Variants in PARM1 observed in about 807,000 individuals in gnomAD.
PARM1 encodes WSC4, cell wall integrity and stress response component 4 homolog.
Under a neutral mutation model 24.6 loss-of-function variants are expected in PARM1, and 14 were observed. That is an observed-to-expected ratio of 0.57 (90% CI 0.38 to 0.89). PARM1 has a LOEUF of 0.89. PARM1 is among the 40% of genes least tolerant of loss of function. PARM1 has a pLI of 0.00. For missense variants in PARM1, 362 were observed against 380.4 expected (o/e 0.95, Z 0.40); for synonymous variants, 179 against 156.6 (o/e 1.14, Z -1.07).
At chr4:75,026,836 AT>A (rs986796001) in intron 2 of PARM1, among the ~76,000 whole-genome samples, 5 of 152,190 alleles carry the variant, frequency 3.3e-5, no homozygotes, top group Non-Finnish European at 7.3e-5. Flanking sequence ...GTTCATGCTA[AT>A]TTACAAAGCA....
chr4:74,935,758 A>C (rs1721169531), intron 1 of PARM1, among the ~76,000 whole-genome samples: 1 of 152,234 alleles, frequency 6.6e-6, no homozygotes, highest in Non-Finnish European at 1.5e-5. Context: ...CAGCACATAC[A>C]ATGGACACTT....
intron 2 of PARM1, among the ~76,000 whole-genome samples, chr4:75,022,521 G>A (rs189915272): frequency 6.6e-6 from 1 of 152,226 alleles, no homozygotes; most frequent in East Asian, 1.9e-4. Context: ...TCTATCACAT[G>A]TTTTAATTGT....
intron 2 of PARM1, among the ~76,000 whole-genome samples, chr4:75,032,912 T>G (rs1723299468): frequency 6.6e-6 from 1 of 152,182 alleles, no homozygotes; most frequent in African/African-American, 2.4e-5. Context: ...GAAAACTCAC[T>G]TTAAGTATTA....
chr4:74,987,480 CCTATT>C (rs1471864813), intron 1 of PARM1, among the ~76,000 whole-genome samples: 1 of 152,054 alleles, frequency 6.6e-6, no homozygotes, highest in Non-Finnish European at 1.5e-5. Flanking sequence ...TAAATCAAAA[CCTATT>C]CTAAATGGTA....
At chr4:75,034,042 T>TA in intron 3 of PARM1, 81 bp downstream of exon 3, 1 of 1,117,580 alleles carries the variant, frequency 8.9e-7, no homozygotes, top group Non-Finnish European at 1.3e-6. Flanking sequence ...TGGATACTTG[T>TA]TCCTTAATAG....
At position 74,944,444 on chromosome 4, in the gene PARM1, G is replaced by A. The variant is rs369164482; in HGVS notation, c.43+11074G>A. Among the ~76,000 whole-genome samples, 61 of 152,236 alleles carry A rather than the reference G, an allele frequency of 4.0e-4. 2 individuals are homozygous for A. Among genetic ancestry groups the A allele is most frequent in the African/African-American group, 1.4e-3 (60 of 41,542 alleles). ...TCAGCAGCCTTGACTGTAAACAGAG[G>A]TGTGGCCCCAGAGAGTAGCTCTGAC... On this transcript the variant is annotated intron_variant, in intron 1 of 3. Transcript: ENST00000307428.
chr4:75,031,461 G>A (rs1723276441), intron 2 of PARM1, among the ~76,000 whole-genome samples: 1 of 151,960 alleles, frequency 6.6e-6, no homozygotes, highest in African/African-American at 2.4e-5. Context: ...TGAAGATTGG[G>A]GGTACACTTG....
chr4:74,967,110 TAGA>T (rs893969363), intron 1 of PARM1: 19 of 152,218 alleles, frequency 1.2e-4, no homozygotes, highest in African/African-American at 4.3e-4. Context: ...AATTTAGGTA[TAGA>T]AGATAAACTA....
At chr4:75,010,786 T>A (rs1326528794) in intron 1 of PARM1, among the ~76,000 whole-genome samples, 1 of 152,114 alleles carries the variant, frequency 6.6e-6, no homozygotes, top group Non-Finnish European at 1.5e-5. Context: ...GGAAAGCACA[T>A]TAAAAGGGAG....
chr4:74,936,735 G>T (rs982266304), intron 1 of PARM1, among the ~76,000 whole-genome samples: 1 of 152,088 alleles, frequency 6.6e-6, no homozygotes, highest in Non-Finnish European at 1.5e-5. Context: ...GATTACAGGT[G>T]TGAGCCACCG....
At chr4:75,014,424 C>G (rs1156383692) in intron 2 of PARM1, among the ~76,000 whole-genome samples, 1 of 152,094 alleles carries the variant, frequency 6.6e-6, no homozygotes, top group Non-Finnish European at 1.5e-5. Flanking sequence ...GGGAGAACCA[C>G]AGGGGGTCAC....
chr4:75,019,251 G>A (rs1045395652), intron 2 of PARM1, among the ~76,000 whole-genome samples: 2 of 152,218 alleles, frequency 1.3e-5, no homozygotes, highest in African/African-American at 4.8e-5. Flanking sequence ...ATTGAATGGT[G>A]CTATGAACAA....
chr4:75,035,204 C>G (rs931123745), intron 3 of PARM1, among the ~76,000 whole-genome samples: 24 of 152,284 alleles, frequency 1.6e-4, no homozygotes, highest in Non-Finnish European at 3.1e-4. Flanking sequence ...TAAGTCTATC[C>G]TGGATGTGAC....
At chr4:74,968,376 A>T (rs1361126259) in intron 1 of PARM1, among the ~76,000 whole-genome samples, 1 of 152,254 alleles carries the variant, frequency 6.6e-6, no homozygotes, top group African/African-American at 2.4e-5. Context: ...AGGTCAGGAA[A>T]TATAAAAGTT....
chr4:74,978,447 C>T (rs986396340), intron 1 of PARM1, among the ~76,000 whole-genome samples: 1 of 152,090 alleles, frequency 6.6e-6, no homozygotes, highest in Non-Finnish European at 1.5e-5. Context: ...TACAGGAGCA[C>T]CCGGATTTAT....
intron 1 of PARM1, among the ~76,000 whole-genome samples, chr4:75,008,759 C>A (rs905175482): frequency 4.6e-5 from 7 of 152,230 alleles, no homozygotes; most frequent in African/African-American, 1.4e-4. Flanking sequence ...TCAATAAATT[C>A]TTGAATGAAT....
chr4:75,020,087 A>G (rs1723064485), intron 2 of PARM1, among the ~76,000 whole-genome samples: 2 of 151,808 alleles, frequency 1.3e-5, no homozygotes, highest in Admixed American at 6.6e-5. Flanking sequence ...AATGACCATC[A>G]TGTTTAACTG....
chr4:74,969,609 G>A (rs540010130), intron 1 of PARM1: 4 of 152,340 alleles, frequency 2.6e-5, no homozygotes, highest in Admixed American at 6.5e-5. Flanking sequence ...GGAATGATGC[G>A]TCTGGAGGCA....
intron 1 of PARM1, among the ~76,000 whole-genome samples, chr4:74,936,090 C>T (rs942227003): frequency 3.3e-5 from 5 of 152,200 alleles, no homozygotes; most frequent in Non-Finnish European, 7.3e-5. Context: ...CCACCTTGGT[C>T]ATCCAAAGTA....
Sources: allele counts gnomAD v4.1 joint callset (sites outside exome capture counted in the v4.1 genomes callset), GRCh38; gene constraint gnomAD v4.1.1; transcripts MANE v1.5; gene names NCBI Gene and HGNC (gene_info 2026-07-23, HGNC 2026-07-21).